Variants in ANKRD30A observed in about 807,000 individuals in gnomAD.
The protein encoded by ANKRD30A is ankyrin repeat domain-containing protein 30A.
In ANKRD30A, 170 loss-of-function variants were observed where a neutral mutation model predicts 166.3. The observed-to-expected ratio is 1.02, with a 90% CI of 0.90 to 1.16. ANKRD30A has a LOEUF of 1.16. ANKRD30A is among the 50% of genes most tolerant of loss of function. The pLI is 0.00. For missense variants in ANKRD30A, 1,630 were observed against 1,518.0 expected, an observed-to-expected ratio of 1.07 and a Z score of -1.23; for synonymous variants, 564 against 508.9, an observed-to-expected ratio of 1.11 and a Z score of -1.46.
At chr10:37,246,155 T>C in the ANKRD30A span, among the ~76,000 whole-genome samples, 1 of 152,214 alleles carries the variant, frequency 6.6e-6, no homozygotes, top group Non-Finnish European at 1.5e-5. Context: ...GAGCTACCAT[T>C]ATAATTGTAG....
chr10:37,236,403 G>A (rs553922375), downstream of ANKRD30A, among the ~76,000 whole-genome samples: 47 of 152,266 alleles, frequency 3.1e-4, no homozygotes, highest in African/African-American at 1.0e-3. Context: ...AGAAAGAATT[G>A]CTTGACATGG....
intron 31 of ANKRD30A, among the ~76,000 whole-genome samples, chr10:37,210,439 G>C (rs1279955979): frequency 1.3e-5 from 2 of 152,104 alleles, no homozygotes; most frequent in Non-Finnish European, 2.9e-5. Flanking sequence ...GTATGCATGT[G>C]TCTTTATAAT....
At chr10:37,142,498 G>A (rs991040392) in intron 7 of ANKRD30A, among the ~76,000 whole-genome samples, 2 of 147,686 alleles carry the variant, frequency 1.4e-5, no homozygotes, top group African/African-American at 5.0e-5. Flanking sequence ...AATGCTAGAT[G>A]AACTAACTAA....
At chr10:37,201,179 ATCT>A (rs904356940) in intron 30 of ANKRD30A, 53 bp from the exon 31 acceptor site, 4 of 1,346,140 alleles carry the variant, frequency 3.0e-6, no homozygotes, top group East Asian at 2.6e-5. Flanking sequence ...AATTTTGATA[ATCT>A]TCATTATTAG....
intron 27 of ANKRD30A, 69 bp from the exon 28 acceptor site, chr10:37,197,212 A>G (rs569368934): frequency 1.9e-6 from 3 of 1,589,092 alleles, no homozygotes; most frequent in East Asian, 4.5e-5. Flanking sequence ...AGATACTATC[A>G]CGGCATTCAT....
chr10:37,263,221 G>A, the ANKRD30A span, among the ~76,000 whole-genome samples: 2 of 151,478 alleles, frequency 1.3e-5, no homozygotes, highest in African/African-American at 2.4e-5. Flanking sequence ...TGAGTATGAG[G>A]TGGTAAGTCA....
At chr10:37,128,113 G>A (rs1327149540) in intron 1 of ANKRD30A, among the ~76,000 whole-genome samples, 2 of 152,052 alleles carry the variant, frequency 1.3e-5, no homozygotes, top group Non-Finnish European at 2.9e-5. Flanking sequence ...TGTACCAACT[G>A]AGGGTAAAGT....
intron 24 of ANKRD30A, among the ~76,000 whole-genome samples, chr10:37,179,018 A>C (rs1258269899): frequency 1.4e-3 from 6 of 4,362 alleles, no homozygotes; most frequent in African/African-American, 3.7e-3. Flanking sequence ...CGTCAAATAT[A>C]TATATATATA....
chr10:37,179,013 A>AATATAT lies in ANKRD30A; in HGVS notation c.2421+2841_2421+2846dup, dbSNP rs139390228. On this transcript the variant is annotated intron_variant, in intron 24 of 35. Transcript: ENST00000361713. ...TTTTCTTTATTACTATGAGGCGTCA[A>AATATAT]ATATATATATATATATATATATATA... is the stretch of plus-strand genomic sequence containing the variant. Among the ~76,000 whole-genome samples, 436 of 116,592 alleles carry AATATAT rather than the reference A, an allele frequency of 3.7e-3. 2 individuals are homozygous for AATATAT. The highest frequency in any genetic ancestry group is 4.8e-3 in the Non-Finnish European group (271 of 56,692). 76.5% of individuals were successfully genotyped at this position (116,592 alleles called of 152,430 possible).
intron 5 of ANKRD30A, among the ~76,000 whole-genome samples, chr10:37,135,582 C>A (rs1177279254): frequency 6.6e-6 from 1 of 152,020 alleles, no homozygotes; most frequent in Non-Finnish European, 1.5e-5. Flanking sequence ...GTGGAACTTA[C>A]AAAAAACAGT....
At chr10:37,193,871 TC>T (rs1173252650) in intron 27 of ANKRD30A, among the ~76,000 whole-genome samples, 1 of 151,466 alleles carries the variant, frequency 6.6e-6, no homozygotes, top group Admixed American at 6.6e-5. Flanking sequence ...CTGAATTAGT[TC>T]TTGTTGTCAT....
intron 19 of ANKRD30A, among the ~76,000 whole-genome samples, chr10:37,167,448 C>T (rs1322764636): frequency 1.3e-5 from 2 of 151,300 alleles, no homozygotes; most frequent in East Asian, 3.8e-4. Flanking sequence ...TAACATGATA[C>T]ACGAAACCAG....
At chr10:37,204,517 A>T in intron 31 of ANKRD30A, among the ~76,000 whole-genome samples, 1 of 152,216 alleles carries the variant, frequency 6.6e-6, no homozygotes, top group Non-Finnish European at 1.5e-5. Context: ...TAAAAACCCT[A>T]GAAGAAAACC....
chr10:37,250,673 A>G, the ANKRD30A span, among the ~76,000 whole-genome samples: 1 of 152,102 alleles, frequency 6.6e-6, no homozygotes, highest in South Asian at 2.1e-4. Flanking sequence ...CCCTTATAGA[A>G]GGGACTCCAG....
chr10:37,162,465 A>G (rs777033526), intron 15 of ANKRD30A, among the ~76,000 whole-genome samples, 184 bp from the exon 16 acceptor site: 1 of 152,126 alleles, frequency 6.6e-6, no homozygotes, highest in Non-Finnish European at 1.5e-5. Flanking sequence ...CTGTATTTAT[A>G]TTTTCTTCAG....
intron 31 of ANKRD30A, among the ~76,000 whole-genome samples, chr10:37,205,410 G>A (rs1176474873): frequency 1.3e-5 from 2 of 149,938 alleles, no homozygotes; most frequent in African/African-American, 4.9e-5. Flanking sequence ...GAGAACACTT[G>A]GACACAGGAA....
intron 31 of ANKRD30A, among the ~76,000 whole-genome samples, chr10:37,212,562 T>A (rs1165492295): frequency 6.6e-6 from 1 of 151,996 alleles, no homozygotes. Flanking sequence ...CATTGTCAAG[T>A]CAATCCTAAG....
intron 15 of ANKRD30A, among the ~76,000 whole-genome samples, chr10:37,161,884 T>A (rs1269528551): frequency 1.4e-4 from 22 of 152,164 alleles, no homozygotes; most frequent in Admixed American, 1.4e-3. Flanking sequence ...ACTGAGAAAA[T>A]ACTGAATTTA....
the ANKRD30A span, among the ~76,000 whole-genome samples, chr10:37,256,377 C>A: frequency 6.6e-6 from 1 of 152,196 alleles, no homozygotes; most frequent in Non-Finnish European, 1.5e-5. Context: ...CTGCCTCAGC[C>A]TCTCAAGTGG....
Sources: allele counts gnomAD v4.1 joint callset (sites outside exome capture counted in the v4.1 genomes callset), GRCh38; gene constraint gnomAD v4.1.1; transcripts MANE v1.5; gene names NCBI Gene and HGNC (gene_info 2026-07-23, HGNC 2026-07-21).